The following DNM3 variants were observed in gnomAD, a reference collection of about 807,000 sequenced individuals.
DNM3 encodes the protein dynamin-3.
Under a neutral mutation model 101.6 loss-of-function variants are expected in DNM3, and 47 were observed. The observed-to-expected ratio is 0.46, with a 90% CI of 0.37 to 0.59. The LOEUF (loss-of-function observed/expected upper bound fraction) is 0.59. Ranked by LOEUF, DNM3 falls within the 20% of genes least tolerant of loss-of-function variation. The pLI is 0.00. For missense variants in DNM3, 849 were observed against 1,085.7 expected (o/e 0.78, Z 3.06); for synonymous variants, 385 against 387.9 (o/e 0.99, Z 0.09).
chr1:172,310,570 C>T (rs191978387), intron 16 of DNM3: 1 of 152,254 alleles, frequency 6.6e-6, no homozygotes, highest in East Asian at 1.9e-4. Context: ...GAAGAGTTGA[C>T]ATTAGAGCAG....
At chr1:172,283,780 A>AG (rs1287211067) in intron 15 of DNM3, among the ~76,000 whole-genome samples, 16 of 119,112 alleles carry the variant, frequency 1.3e-4, no homozygotes, top group South Asian at 2.8e-4. Context: ...AAAAAAAAAA[A>AG]AAAGAAAGAA....
chr1:172,283,022 T>C (rs981654661), intron 15 of DNM3, among the ~76,000 whole-genome samples: 4 of 152,194 alleles, frequency 2.6e-5, no homozygotes, highest in Non-Finnish European at 4.4e-5. Context: ...GTTCCAGCCA[T>C]CTTAGAGCGT....
chr1:172,319,133 G>A (rs1463431342), intron 16 of DNM3, among the ~76,000 whole-genome samples: 1 of 152,192 alleles, frequency 6.6e-6, no homozygotes, highest in Non-Finnish European at 1.5e-5. Flanking sequence ...AACAAGCAAT[G>A]AGGAAAGGTT....
chr1:172,192,873 G>C (rs1227683630), intron 14 of DNM3, among the ~76,000 whole-genome samples: 4 of 150,944 alleles, frequency 2.6e-5, no homozygotes, highest in Admixed American at 6.6e-5. Context: ...ATGATTTATA[G>C]TCCTTTGGGT....
chr1:172,403,955 CTT>C (rs2070699587), intron 20 of DNM3, among the ~76,000 whole-genome samples: 1 of 152,122 alleles, frequency 6.6e-6, no homozygotes, highest in Non-Finnish European at 1.5e-5. Context: ...TAACAGTAAA[CTT>C]TAAATGTTTT....
chr1:172,329,706 G>T lies in DNM3; in HGVS notation c.1893+6366G>T, dbSNP rs565242067. 2.0e-5 allele frequency among the ~76,000 whole-genome samples: 3 copies of T among 152,054 alleles called. No individual in the cohort carries two copies. In the South Asian group the frequency reaches 6.2e-4, roughly 32 times the overall value. ...AATACCTGAAGCATATATGACAAAG[G>T]ATTAAATATTCTCAAAATAGAATTA... is the stretch of plus-strand genomic sequence containing the variant. On this transcript the variant is annotated intron_variant, in intron 17 of 20. Transcript: ENST00000627582.
intron 2 of DNM3, among the ~76,000 whole-genome samples, chr1:171,958,519 G>C (rs1214405742): frequency 2.0e-5 from 3 of 152,202 alleles, no homozygotes; most frequent in African/African-American, 7.2e-5. Context: ...TAGTGTGTCT[G>C]TGTGAGTTTA....
intron 10 of DNM3, among the ~76,000 whole-genome samples, chr1:172,053,397 A>C (rs1302055349): frequency 6.6e-6 from 1 of 152,054 alleles, no homozygotes; most frequent in African/African-American, 2.4e-5. Flanking sequence ...TCTGTGAGTC[A>C]CTTCCTGGTC....
chr1:171,891,251 G>A (rs940591706), intron 1 of DNM3, among the ~76,000 whole-genome samples: 10 of 151,780 alleles, frequency 6.6e-5, no homozygotes, highest in African/African-American at 2.4e-4. Context: ...GTCCTATACA[G>A]TAAACATCAC....
chr1:172,062,350 C>T (rs2051302902), intron 10 of DNM3, among the ~76,000 whole-genome samples: 1 of 152,130 alleles, frequency 6.6e-6, no homozygotes, highest in African/African-American at 2.4e-5. Context: ...CTTCTGACTA[C>T]TCTGCGGCAC....
At chr1:172,136,890 A>T (rs1404920458) in intron 14 of DNM3, 1 of 152,200 alleles carries the variant, frequency 6.6e-6, no homozygotes, top group African/African-American at 2.4e-5. Flanking sequence ...TAAAATACAT[A>T]CAAAACATTC....
Position 172,409,198 on chromosome 1 carries a change from G to A in DNM3, c.*1357G>A. The A allele has an allele frequency of 1.0e-6, 1 of 985,366 alleles. No homozygotes were observed. Among genetic ancestry groups the A allele is most frequent in the Non-Finnish European group, 1.2e-6 (1 of 829,892 alleles). 61.0% of individuals were successfully genotyped at this position (985,366 alleles called of 1,614,324 possible). A position where few individuals can be genotyped will look rare whatever the true frequency, so the allele number is the denominator to read the frequency against. ...GTGCTAACTGTTCCCAGACAGCAGA[G>A]CAAGTATTCACTGAGTAGGGGTGTC... On this transcript the variant is annotated 3_prime_UTR_variant, in exon 21 of 21. Transcript: ENST00000627582.
intron 10 of DNM3, among the ~76,000 whole-genome samples, chr1:172,050,882 T>A (rs972770532): frequency 7.1e-6 from 1 of 141,540 alleles, no homozygotes; most frequent in Non-Finnish European, 1.5e-5. Flanking sequence ...TGCATGAATC[T>A]TTTTTTTTTA....
At chr1:172,360,330 C>T (rs375180362) in intron 17 of DNM3, among the ~76,000 whole-genome samples, 3 of 151,984 alleles carry the variant, frequency 2.0e-5, no homozygotes, top group Non-Finnish European at 4.4e-5. Flanking sequence ...TCAGGAAGTT[C>T]CTTCTTATAG....
intron 2 of DNM3, among the ~76,000 whole-genome samples, chr1:171,930,090 G>C (rs919445666): frequency 1.4e-4 from 21 of 151,830 alleles, no homozygotes; most frequent in African/African-American, 4.1e-4. Flanking sequence ...CAGGGACCAG[G>C]TTGCTTAGAA....
chr1:172,116,291 C>T (rs2055884832), intron 13 of DNM3, among the ~76,000 whole-genome samples: 1 of 152,184 alleles, frequency 6.6e-6, no homozygotes, highest in South Asian at 2.1e-4. Flanking sequence ...CTTTTTCACA[C>T]ACATATGATC....
At chr1:172,084,383 T>C (rs1261134785) in intron 12 of DNM3, among the ~76,000 whole-genome samples, 1 of 152,146 alleles carries the variant, frequency 6.6e-6, no homozygotes, top group East Asian at 1.9e-4. Flanking sequence ...TTTTACTTTA[T>C]GATGTAGTTA....
At chr1:171,894,812 C>G (rs1299056135) in intron 1 of DNM3, among the ~76,000 whole-genome samples, 1 of 152,052 alleles carries the variant, frequency 6.6e-6, no homozygotes, top group Non-Finnish European at 1.5e-5. Flanking sequence ...GTTCAATTTC[C>G]CACCTATGAG....
At chr1:172,302,792 C>T (rs1274604931) in intron 15 of DNM3, among the ~76,000 whole-genome samples, 1 of 152,174 alleles carries the variant, frequency 6.6e-6, no homozygotes, top group Non-Finnish European at 1.5e-5. Context: ...AGGGACCTGA[C>T]TGTTAGAAAG....
Sources: allele counts gnomAD v4.1 joint callset (sites outside exome capture counted in the v4.1 genomes callset), GRCh38; gene constraint gnomAD v4.1.1; transcripts MANE v1.5; gene names NCBI Gene and HGNC (gene_info 2026-07-23, HGNC 2026-07-21).